The following ZNF503 variants were observed in gnomAD, a reference collection of about 807,000 sequenced individuals.
The protein encoded by ZNF503 is NocA-like zinc finger 2.
Under a neutral mutation model 34.4 loss-of-function variants are expected in ZNF503, and 15 were observed. The observed-to-expected ratio is 0.44, with a 90% confidence interval of 0.29 to 0.67. The LOEUF is 0.67. Ranked by LOEUF, ZNF503 falls within the 30% of genes least tolerant of loss-of-function variation. ZNF503 has a pLI of 0.13. For missense variants in ZNF503, 1,007 were observed against 926.8 expected, an observed-to-expected ratio of 1.09 and a Z score of -1.12; for synonymous variants, 580 against 456.8, an observed-to-expected ratio of 1.27 and a Z score of -3.44.
Position 75,399,170 on chromosome 10 carries a change from A to G in ZNF503, c.1520T>C (p.Leu507Pro). ...GHPLYPYGFM[L>P]PNDPLPHICN... is the part of the protein sequence containing the mutation. ...GATGTGGGGGAGTGGGTCGTTAGGG[A>G]GCATAAAGCCGTAGGGGTAGAGGGG... The change falls in exon 2 of 2, where the codon CTC becomes CCC. Residue 507 changes from leucine (L) to proline (P), a missense_variant. Transcript: ENST00000372524. The G allele has an allele frequency of 6.2e-7, 1 of 1,611,584 alleles. No homozygotes were observed.
chr10:75,386,716 C>T, the ZNF503 span, among the ~76,000 whole-genome samples: 7 of 152,198 alleles, frequency 4.6e-5, no homozygotes, highest in Non-Finnish European at 7.3e-5. Flanking sequence ...TATTGAAGAA[C>T]AAGACATGAT....
At chr10:75,372,468 C>T in the ZNF503 span, among the ~76,000 whole-genome samples, 1 of 152,222 alleles carries the variant, frequency 6.6e-6, no homozygotes, top group Admixed American at 6.5e-5. Flanking sequence ...GTATCCACCA[C>T]AGCATCAAAA....
chr10:75,377,020 G>A, the ZNF503 span, among the ~76,000 whole-genome samples: 4 of 152,144 alleles, frequency 2.6e-5, no homozygotes, highest in Non-Finnish European at 4.4e-5. Context: ...GTGGTTCTGG[G>A]ACCAGCAACA....
chr10:75,287,350 A>T, the ZNF503 span, among the ~76,000 whole-genome samples: 22 of 151,980 alleles, frequency 1.4e-4, no homozygotes, highest in Admixed American at 1.4e-3. Flanking sequence ...CAAGCACACT[A>T]TGTTCTCTCC....
the ZNF503 span, among the ~76,000 whole-genome samples, chr10:75,303,759 G>C: frequency 6.6e-6 from 1 of 152,016 alleles, no homozygotes; most frequent in African/African-American, 2.4e-5. Context: ...AGGCACAACT[G>C]GCCCTTACCC....
the ZNF503 span, among the ~76,000 whole-genome samples, chr10:75,360,183 C>T: frequency 2.1e-5 from 3 of 143,724 alleles, no homozygotes; most frequent in East Asian, 6.2e-4. Context: ...TGCAGTGGCT[C>T]GATCTCCGCT....
chr10:75,299,876 A>G, the ZNF503 span, among the ~76,000 whole-genome samples: 1 of 152,348 alleles, frequency 6.6e-6, no homozygotes, highest in South Asian at 2.1e-4. Flanking sequence ...TCACAAGGCA[A>G]ATAGAGGCAG....
chr10:75,378,643 A>G, the ZNF503 span, among the ~76,000 whole-genome samples: 1 of 152,044 alleles, frequency 6.6e-6, no homozygotes, highest in Non-Finnish European at 1.5e-5. Flanking sequence ...AGGGGAAGTG[A>G]CATTTTGAAT....
the ZNF503 span, among the ~76,000 whole-genome samples, chr10:75,332,432 T>C: frequency 6.6e-6 from 1 of 151,954 alleles, no homozygotes; most frequent in African/African-American, 2.4e-5. Context: ...ATCTATTTCT[T>C]AATGTCAGTT....
rs1055465046 is a variant in ZNF503, at chr10:75,398,838, G to C, written c.1852C>G (p.Pro618Ala). ...TACGGTCCGGTGGCGGCGGGCACCG[G>C]CACGGGGGCGCCAGGCGTGGGAAGC... The part of the protein sequence containing the change: ...SPLPTPGAPV[P>A]VPAATGPYYS... The change falls in exon 2 of 2, where the codon CCG becomes GCG. Residue 618 changes from proline (P) to alanine (A), a missense_variant. Transcript: ENST00000372524. 6.7e-7 allele frequency: 1 copy of C among 1,501,536 alleles called. No individual in the cohort carries two copies. The highest frequency in any genetic ancestry group is 1.4e-5 in the African/African-American group (1 of 71,134). 93.0% of individuals were successfully genotyped at this position (1,501,536 alleles called of 1,614,324 possible).
chr10:75,401,388 C>T lies in ZNF503; in HGVS notation c.32G>A (p.Arg11Lys). The change falls in exon 1 of 2, where the codon AGA becomes AAA. Residue 11 changes from arginine to lysine, a missense_variant. Arg to Lys is a conservative substitution (Grantham distance 26). Transcript: ENST00000372524. MSTAPSLSAL[R>K]SSKHSGGGGG... The stretch of plus-strand genomic sequence containing the variant: ...GCCGCCGCCGCTGTGCTTACTGCTT[C>T]TTAGGGCAGAAAGCGAGGGCGCTGT... 6.5e-7 allele frequency: 1 copy of T among 1,539,140 alleles called. No homozygotes were observed. The highest frequency in any genetic ancestry group is 1.2e-5 in the South Asian group (1 of 83,980).
chr10:75,281,176 C>T, the ZNF503 span, among the ~76,000 whole-genome samples: 1 of 152,046 alleles, frequency 6.6e-6, no homozygotes, highest in South Asian at 2.1e-4. Flanking sequence ...GTTTTAGTCT[C>T]AGGAATATGG....
At position 75,399,165 on chromosome 10, in the gene ZNF503, T is replaced by C. The variant is rs781553581; in HGVS notation, c.1525A>G (p.Asn509Asp). ...PLYPYGFMLP[N>D]DPLPHICNWV... is the part of the protein sequence containing the mutation. ...TTGCAGATGTGGGGGAGTGGGTCGT[T>C]AGGGAGCATAAAGCCGTAGGGGTAG... The change falls in exon 2 of 2, where the codon AAC (asparagine) becomes GAC (aspartate). Residue 509 changes from asparagine (N) to aspartate (D), a missense_variant. Physicochemically the swap from Asn to Asp is conservative, Grantham distance 23. Coordinates refer to ENST00000372524, the MANE Select transcript of ZNF503 (RefSeq NM_032772.6). 1.9e-6 allele frequency: 3 copies of C among 1,612,260 alleles called. No homozygotes were observed. The highest frequency in any genetic ancestry group is 1.3e-5 in the African/African-American group (1 of 74,922).
At chr10:75,333,438 G>C in the ZNF503 span, among the ~76,000 whole-genome samples, 1 of 55,296 alleles carries the variant, frequency 1.8e-5, no homozygotes. Context: ...TCCCGGACGG[G>C]GCGGCTGGCC....
the ZNF503 span, among the ~76,000 whole-genome samples, chr10:75,299,679 G>A: frequency 4.6e-5 from 7 of 152,140 alleles, no homozygotes; most frequent in Non-Finnish European, 1.0e-4. Context: ...GAAATAAAGG[G>A]ACAGAGTACA....
chr10:75,399,639 G>A lies in ZNF503; in HGVS notation c.1051C>T (p.Pro351Ser). The A allele has an allele frequency of 7.5e-6, 12 of 1,599,092 alleles. No individual in the cohort carries two copies. Among genetic ancestry groups the A allele is most frequent in the Non-Finnish European group, 9.3e-6 (11 of 1,179,708 alleles). Reference sequence around the variant, plus strand: ...TAGGTCATACCCGCGGGAGGCAGAGGGAACACTGTCTGGCCCGGCTTGTAG... The same window carrying A: ...TAGGTCATACCCGCGGGAGGCAGAGAGAACACTGTCTGGCCCGGCTTGTAG... ...SPYKPGQTVFPLPPAGMTYPG... is the reference protein window; with the variant it reads ...SPYKPGQTVFSLPPAGMTYPG... Residue 351 changes from proline (P) to serine (S), a missense_variant, in exon 2 of 2, where the codon CCT (proline) becomes TCT (serine). Coordinates refer to ENST00000372524, the MANE Select transcript of ZNF503 (RefSeq NM_032772.6).
chr10:75,323,374 G>A, the ZNF503 span, among the ~76,000 whole-genome samples: 78 of 152,230 alleles, frequency 5.1e-4, no homozygotes, highest in Admixed American at 1.8e-3. Flanking sequence ...GGCCAAGTAC[G>A]TAGGAGTGGA....
the ZNF503 span, among the ~76,000 whole-genome samples, chr10:75,318,047 T>C: frequency 3.3e-5 from 5 of 152,210 alleles, no homozygotes; most frequent in Admixed American, 3.3e-4. Flanking sequence ...TACTTGAAAT[T>C]TGTTGAGCGA....
At chr10:75,369,425 G>T in the ZNF503 span, among the ~76,000 whole-genome samples, 1 of 152,210 alleles carries the variant, frequency 6.6e-6, no homozygotes, top group Non-Finnish European at 1.5e-5. Flanking sequence ...GAGTTCTCAT[G>T]AGATCTGATG....
Sources: allele counts gnomAD v4.1 joint callset (sites outside exome capture counted in the v4.1 genomes callset), GRCh38; gene constraint gnomAD v4.1.1; transcripts MANE v1.5; gene names NCBI Gene and HGNC (gene_info 2026-07-23, HGNC 2026-07-21).